Variants in FTCDNL1 observed in about 807,000 individuals in gnomAD.
FTCDNL1 encodes formiminotransferase N-terminal subdomain-containing protein.
In FTCDNL1, 11 loss-of-function variants were observed where a neutral mutation model predicts 5.9. The ratio of observed to expected loss-of-function variants is 1.87; its 90% CI spans 1.18 to 3.10. The LOEUF (loss-of-function observed/expected upper bound fraction) is 3.10. FTCDNL1 is among the 30% of genes most tolerant of loss of function. FTCDNL1 has a pLI of 0.00. For missense variants in FTCDNL1, 115 were observed against 65.5 expected (o/e 1.76, Z -2.61); for synonymous variants, 58 against 24.8 (o/e 2.34, Z -3.99).
intron 3 of FTCDNL1, among the ~76,000 whole-genome samples, chr2:199,780,774 G>A (rs889426453): frequency 2.6e-5 from 4 of 152,168 alleles, no homozygotes; most frequent in East Asian, 1.9e-4. Flanking sequence ...ACAGCAAATT[G>A]TCTTGTTGCC....
the FTCDNL1 span, among the ~76,000 whole-genome samples, chr2:199,719,223 A>G: frequency 5.3e-5 from 8 of 152,074 alleles, no homozygotes; most frequent in East Asian, 1.5e-3. Flanking sequence ...TGTATATGGT[A>G]AGAGGTATGG....
At chr2:199,756,738 C>A (rs1002854909), downstream of FTCDNL1, among the ~76,000 whole-genome samples, 4 of 152,100 alleles carry the variant, frequency 2.6e-5, no homozygotes, top group Non-Finnish European at 5.9e-5. Flanking sequence ...TCCAAATATC[C>A]CCCTGGCTTT....
chr2:199,703,464 C>T, the FTCDNL1 span, among the ~76,000 whole-genome samples: 2 of 152,146 alleles, frequency 1.3e-5, no homozygotes, highest in Non-Finnish European at 2.9e-5. Context: ...ATTGAAATCG[C>T]ATTTTAGATA....
chr2:199,691,170 TATTTTG>T, the FTCDNL1 span, among the ~76,000 whole-genome samples: 2 of 152,266 alleles, frequency 1.3e-5, no homozygotes, highest in Non-Finnish European at 2.9e-5. Context: ...CTTATTTATT[TATTTTG>T]ATTTTGATTT....
chr2:199,702,780 A>G, the FTCDNL1 span, among the ~76,000 whole-genome samples: 1 of 152,234 alleles, frequency 6.6e-6, no homozygotes, highest in African/African-American at 2.4e-5. Context: ...GCAATAGAAC[A>G]TAGCCAGGGA....
chr2:199,687,616 T>C, the FTCDNL1 span, among the ~76,000 whole-genome samples: 1 of 152,112 alleles, frequency 6.6e-6, no homozygotes, highest in Non-Finnish European at 1.5e-5. Flanking sequence ...AACCCATCAC[T>C]GGGAGGGGGC....
chr2:199,796,604 G>A (rs879776837), intron 3 of FTCDNL1, among the ~76,000 whole-genome samples: 1 of 152,084 alleles, frequency 6.6e-6, no homozygotes, highest in Non-Finnish European at 1.5e-5. Flanking sequence ...TCAAGTCGAT[G>A]TCCAGATTTT....
chr2:199,819,006 A>G (rs1469477831), intron 4 of FTCDNL1: 6 of 152,716 alleles, frequency 3.9e-5, no homozygotes, highest in African/African-American at 1.2e-4. Context: ...GCAAAAGTTG[A>G]TAAAAGCCAG....
chr2:199,737,322 TTTG>T, the FTCDNL1 span, among the ~76,000 whole-genome samples: 12 of 152,342 alleles, frequency 7.9e-5, no homozygotes, highest in South Asian at 2.1e-3. Context: ...AGCCATTATT[TTTG>T]TTATTATCTA....
At chr2:199,705,443 C>G in the FTCDNL1 span, among the ~76,000 whole-genome samples, 6 of 152,106 alleles carry the variant, frequency 3.9e-5, no homozygotes, top group African/African-American at 1.4e-4. Context: ...TTGAATTACA[C>G]TTTATTTTTG....
At chr2:199,697,470 C>T in the FTCDNL1 span, among the ~76,000 whole-genome samples, 1 of 151,980 alleles carries the variant, frequency 6.6e-6, no homozygotes, top group Admixed American at 6.6e-5. Flanking sequence ...GTTGGGGGTC[C>T]ACATTCAACA....
chr2:199,762,413 T>C (rs1041840604), intron 3 of FTCDNL1, among the ~76,000 whole-genome samples: 6 of 152,146 alleles, frequency 3.9e-5, no homozygotes, highest in African/African-American at 1.2e-4. Context: ...CAAATTTCTA[T>C]TGGGCCGCAT....
chr2:199,808,779 T>A (rs573140427), downstream of FTCDNL1, among the ~76,000 whole-genome samples: 8 of 152,348 alleles, frequency 5.3e-5, no homozygotes, highest in South Asian at 1.7e-3. Flanking sequence ...ATAATACATT[T>A]CATTTGTACA....
the FTCDNL1 span, among the ~76,000 whole-genome samples, chr2:199,687,291 G>A: frequency 6.6e-6 from 1 of 152,144 alleles, no homozygotes; most frequent in African/African-American, 2.4e-5. Flanking sequence ...TAATACTCTG[G>A]TAAGCCTTGG....
chr2:199,838,704 A>G (rs1702927258), intron 3 of FTCDNL1, among the ~76,000 whole-genome samples: 1 of 152,068 alleles, frequency 6.6e-6, no homozygotes, highest in African/African-American at 2.4e-5. Flanking sequence ...AGCAGCGGTC[A>G]GAGCCCATCC....
chr2:199,694,185 A>T, the FTCDNL1 span, among the ~76,000 whole-genome samples: 12 of 152,184 alleles, frequency 7.9e-5, no homozygotes, highest in Middle Eastern at 3.2e-3. Context: ...CCTGCACTGG[A>T]GCTGGAAGGA....
At chr2:199,747,878 C>G in the FTCDNL1 span, among the ~76,000 whole-genome samples, 18 of 152,152 alleles carry the variant, frequency 1.2e-4, no homozygotes, top group African/African-American at 4.3e-4. Flanking sequence ...CTCTTCTCTT[C>G]CCCTTTCCCA....
intron 3 of FTCDNL1, among the ~76,000 whole-genome samples, chr2:199,801,575 G>A (rs1700451683): frequency 6.6e-6 from 1 of 152,140 alleles, no homozygotes; most frequent in South Asian, 2.1e-4. Flanking sequence ...AGGATCACTT[G>A]AGCCTGGGGA....
chr2:199,840,890 T>C (rs1186713150), intron 3 of FTCDNL1, among the ~76,000 whole-genome samples: 1 of 152,158 alleles, frequency 6.6e-6, no homozygotes, highest in Non-Finnish European at 1.5e-5. Flanking sequence ...CAGTAGCTCA[T>C]GCCTGTAATC....
Sources: allele counts gnomAD v4.1 joint callset (sites outside exome capture counted in the v4.1 genomes callset), GRCh38; gene constraint gnomAD v4.1.1; transcripts MANE v1.5; gene names NCBI Gene and HGNC (gene_info 2026-07-23, HGNC 2026-07-21).